The following UBXN4 variants were observed in gnomAD, a reference collection of about 807,000 sequenced individuals.
UBXN4 encodes the protein UBX domain-containing protein 4.
Under a neutral mutation model 66.2 loss-of-function variants are expected in UBXN4, and 35 were observed. The observed-to-expected ratio is 0.53, with a 90% CI of 0.40 to 0.70. The LOEUF (loss-of-function observed/expected upper bound fraction) is 0.70. UBXN4 is among the 30% of genes least tolerant of loss of function. The pLI is 0.00. For synonymous variants in UBXN4, 203 were observed against 204.5 expected (o/e 0.99, Z 0.06); for missense variants, 533 against 599.8 (o/e 0.89, Z 1.16).
chr2:135,753,022 T>C (rs2077254905), intron 2 of UBXN4, among the ~76,000 whole-genome samples: 1 of 138,476 alleles, frequency 7.2e-6, no homozygotes, highest in Non-Finnish European at 1.6e-5. Flanking sequence ...CCGGCCTTTT[T>C]TTTTTTTTTT....
rs767005553 is a variant in UBXN4 at position 135,779,012 on chromosome 2, A to G, written c.1118A>G (p.Lys373Arg). ...ATGTTTCCCAGGAGGGAATTTACCA[A>G]AGAAGATTATAAAAAGAAGTTACTG... is the stretch of plus-strand genomic sequence containing the variant. ...ATMFPRREFT[K>R]EDYKKKLLDL... Residue 373 changes from lysine to arginine, a missense_variant, in exon 11 of 13, where the codon AAA becomes AGA. Physicochemically the swap from Lys to Arg is conservative, Grantham distance 26. Around this residue, in one of 2 missense-constraint regions of UBXN4, gnomAD observed 529 missense variants for 580.1 expected, o/e 0.91. Transcript: ENST00000272638. 4 of 1,613,764 alleles carry G rather than the reference A, an allele frequency of 2.5e-6. No individual in the cohort carries two copies. Among genetic ancestry groups the G allele is most frequent in the Non-Finnish European group, 3.4e-6 (4 of 1,179,928 alleles).
intron 10 of UBXN4, 136 bp downstream of exon 10, chr2:135,776,487 A>T (rs1354047860): frequency 1.6e-6 from 1 of 644,464 alleles, no homozygotes; most frequent in Non-Finnish European, 2.6e-6. Context: ...CGCCTCTGAG[A>T]TATTGTGGAA....
At chr2:135,766,203 A>G (rs1012583981) in intron 6 of UBXN4, among the ~76,000 whole-genome samples, 3 of 152,122 alleles carry the variant, frequency 2.0e-5, no homozygotes, top group African/African-American at 4.8e-5. Flanking sequence ...GGAACAGTCA[A>G]TTTGTTATTA....
At chr2:135,764,533 T>C (rs1217815620) in intron 6 of UBXN4, among the ~76,000 whole-genome samples, 1 of 152,208 alleles carries the variant, frequency 6.6e-6, no homozygotes, top group East Asian at 1.9e-4. Context: ...GGCAGAGTCT[T>C]GCCCTGTTGC....
chr2:135,747,577 G>A, intron 1 of UBXN4: 1 of 456,396 alleles, frequency 2.2e-6, no homozygotes, highest in Non-Finnish European at 4.4e-6. Flanking sequence ...TATAAATGCT[G>A]TGGAGTGGAG....
In UBXN4 at chr2:135,755,594, A is replaced by G. The variant is rs755650722; in HGVS notation, c.411A>G (p.Ser137=). Residue 137 remains serine (S), a synonymous_variant, in exon 5 of 13, where the codon TCA becomes TCG. Transcript: ENST00000272638. ...SESSVSTPSA[S]FEPNNTCENS... The stretch of plus-strand genomic sequence containing the variant: ...GTTCAGTGTCTACTCCATCTGCGTC[A>G]TTTGAACCTAACAACACTTGTGAAA... 1.1e-5 allele frequency: 17 copies of G among 1,610,406 alleles called. No individual in the cohort carries two copies. The highest frequency in any genetic ancestry group is 1.4e-5 in the Non-Finnish European group (16 of 1,178,286).
intron 1 of UBXN4, among the ~76,000 whole-genome samples, chr2:135,743,853 G>A (rs1241178570): frequency 9.4e-6 from 1 of 106,680 alleles, no homozygotes; most frequent in Non-Finnish European, 2.8e-5. Flanking sequence ...CTTGCCTTTC[G>A]GGGTTTTGTG....
At chr2:135,781,172 T>C (rs1575325552) in intron 12 of UBXN4, among the ~76,000 whole-genome samples, 1 of 152,210 alleles carries the variant, frequency 6.6e-6, no homozygotes, top group Admixed American at 6.5e-5. Context: ...TGAGCCAAGA[T>C]TGTGCCATTG....
intron 5 of UBXN4, among the ~76,000 whole-genome samples, chr2:135,757,684 GT>G (rs1206979378): frequency 2.0e-5 from 3 of 151,722 alleles, no homozygotes; most frequent in African/African-American, 7.3e-5. Flanking sequence ...TGTTGTTTTT[GT>G]TTTAGTAGAC....
rs768669790 is a variant in UBXN4, at chr2:135,755,631, A to G, written c.448A>G (p.Arg150Gly). ...CAACACTTGTGAAAACTCTCAGTCC[A>G]GAAATGCAGAGCTTTGTGAGATACC... ...PNNTCENSQS[R>G]NAELCEIPPT... Residue 150 changes from arginine (R) to glycine (G), a missense_variant, in exon 5 of 13, where the codon AGA becomes GGA. Coordinates refer to ENST00000272638, the MANE Select transcript of UBXN4 (RefSeq NM_014607.4). 9 of 1,607,374 alleles carry G rather than the reference A, an allele frequency of 5.6e-6. No homozygotes were observed. Among genetic ancestry groups the G allele is most frequent in the Middle Eastern group, 1.7e-4 (1 of 6,050 alleles).
intron 2 of UBXN4, among the ~76,000 whole-genome samples, chr2:135,752,497 ATAAT>A (rs748595976): frequency 6.6e-6 from 1 of 152,084 alleles, no homozygotes; most frequent in Non-Finnish European, 1.5e-5. Context: ...TTGTGATTGC[ATAAT>A]TATTCAGTTT....
At chr2:135,779,209 A>G in intron 11 of UBXN4, 130 bp downstream of exon 11, 4 of 948,464 alleles carry the variant, frequency 4.2e-6, no homozygotes, top group Non-Finnish European at 5.8e-6. Flanking sequence ...GTGATCCAAT[A>G]ATTAGATGAA....
chr2:135,751,768 CTT>C (rs1051046916), intron 2 of UBXN4, among the ~76,000 whole-genome samples: 1 of 150,804 alleles, frequency 6.6e-6, no homozygotes, highest in Non-Finnish European at 1.5e-5. Context: ...AATTTTTTTT[CTT>C]GATTTTTTAC....
intron 2 of UBXN4, 95 bp from the exon 3 acceptor site, chr2:135,753,444 T>C (rs2077259236): frequency 9.3e-6 from 10 of 1,079,344 alleles, no homozygotes; most frequent in Non-Finnish European, 1.3e-5. Flanking sequence ...TGCAGGAAAA[T>C]ACTTGTGATT....
intron 1 of UBXN4, among the ~76,000 whole-genome samples, chr2:135,743,852 C>T (rs2077191974): frequency 8.9e-6 from 1 of 112,364 alleles, no homozygotes; most frequent in Non-Finnish European, 2.4e-5. Flanking sequence ...TCTTGCCTTT[C>T]GGGGTTTTGT....
chr2:135,770,208 C>T (rs1174261359), intron 7 of UBXN4, among the ~76,000 whole-genome samples: 1 of 152,166 alleles, frequency 6.6e-6, no homozygotes, highest in African/African-American at 2.4e-5. Flanking sequence ...ATTTTTCTCA[C>T]CATGTATACC....
intron 6 of UBXN4, among the ~76,000 whole-genome samples, chr2:135,765,918 C>T (rs1327537284): frequency 6.6e-6 from 1 of 151,876 alleles, no homozygotes; most frequent in African/African-American, 2.4e-5. Flanking sequence ...TTTGGGAGGC[C>T]GAGGTAGGTG....
intron 9 of UBXN4, among the ~76,000 whole-genome samples, chr2:135,774,588 T>C (rs1204753612): frequency 6.6e-6 from 1 of 152,154 alleles, no homozygotes; most frequent in Non-Finnish European, 1.5e-5. Flanking sequence ...CTCACACCTA[T>C]AATCCCAGCA....
In UBXN4 at chr2:135,769,041, C is replaced by T. The variant is rs79437131; in HGVS notation, c.603-728C>T. Reference sequence around the variant, plus strand: ...TATTTCAGACAGGGTCTCCCTTTGTCACCCAGGCTGGAATGCAGTAACGCG... The same window carrying T: ...TATTTCAGACAGGGTCTCCCTTTGTTACCCAGGCTGGAATGCAGTAACGCG... On this transcript the variant is annotated intron_variant, in intron 6 of 12. Transcript: ENST00000272638. Among the ~76,000 whole-genome samples the T allele has an allele frequency of 0.01, 1,581 of 152,142 alleles. 98 individuals are homozygous for T. In the East Asian group the frequency reaches 0.19, roughly 18 times the overall value.
Sources: allele counts gnomAD v4.1 joint callset (sites outside exome capture counted in the v4.1 genomes callset), GRCh38; gene constraint gnomAD v4.1.1; regional missense constraint gnomAD v4.1.1; transcripts MANE v1.5; gene names NCBI Gene and HGNC (gene_info 2026-07-23, HGNC 2026-07-21).